Variants in JADE1 observed in about 807,000 individuals in gnomAD.
JADE1 encodes protein Jade-1.
A neutral mutation model predicts 81.8 loss-of-function variants in JADE1; 14 were observed. The ratio of observed to expected loss-of-function variants is 0.17; its 90% CI spans 0.11 to 0.27. The LOEUF is 0.27. Among genes scored for constraint, JADE1 ranks in the 10% least tolerant of loss-of-function variants. The pLI, the probability that JADE1 is intolerant of heterozygous loss-of-function variation, is 1.00. For missense variants in JADE1, 690 were observed against 1,047.9 expected (o/e 0.66, Z 4.71); for synonymous variants, 353 against 391.9 (o/e 0.90, Z 1.17).
intron 1 of JADE1, among the ~76,000 whole-genome samples, chr4:128,816,865 A>T (rs1727082384): frequency 6.6e-6 from 1 of 152,030 alleles, no homozygotes; most frequent in South Asian, 2.1e-4. Flanking sequence ...TGAGGGAAGT[A>T]AACTACATTT....
Position 128,873,026 on chromosome 4 carries a change from T to C in JADE1, c.*764T>C. ...AATAAGGGCAGTTGAAGTAGAATTT[T>C]TACCAGTCCACTTGACCTTCTTCTT... On this transcript the variant is annotated 3_prime_UTR_variant, in exon 11 of 11. Transcript: ENST00000226319. The C allele has an allele frequency of 2.4e-6, 1 of 415,266 alleles. No homozygotes were observed. The highest frequency in any genetic ancestry group is 5.0e-6 in the Non-Finnish European group (1 of 201,284). The allele number at this position is 415,266 out of a possible 1,614,324, so 25.7% of individuals were successfully genotyped here. A position where few individuals can be genotyped will look rare whatever the true frequency, so the allele number is the denominator to read the frequency against.
intron 9 of JADE1, among the ~76,000 whole-genome samples, chr4:128,865,664 T>G (rs752343104): frequency 3.9e-5 from 6 of 152,162 alleles, no homozygotes; most frequent in Non-Finnish European, 8.8e-5. Context: ...CAGGGCTGAT[T>G]TGTTCCGATT....
intron 1 of JADE1, chr4:128,811,236 G>T (rs1726324632): frequency 6.6e-6 from 1 of 152,272 alleles, no homozygotes; most frequent in Admixed American, 6.5e-5. Flanking sequence ...CCTCCTTCCC[G>T]CTCCCCCCCG....
intron 2 of JADE1, among the ~76,000 whole-genome samples, chr4:128,841,606 G>C (rs372500450): frequency 2.6e-5 from 4 of 152,188 alleles, no homozygotes; most frequent in East Asian, 1.9e-4. Flanking sequence ...ATGCTGAGTT[G>C]ACAGATCTAA....
intron 1 of JADE1, chr4:128,831,402 G>A (rs1034213118): frequency 1.4e-4 from 42 of 309,052 alleles, no homozygotes; most frequent in South Asian, 1.3e-3. Context: ...CATTGCTGTG[G>A]ATTTTTTTCT....
chr4:128,811,892 C>T (rs955106799), intron 1 of JADE1: 1 of 151,536 alleles, frequency 6.6e-6, no homozygotes, highest in African/African-American at 2.4e-5. Context: ...GAGCGGGAGC[C>T]GAGCCCGCTC....
chr4:128,810,657 G>A (rs567533227), intron 1 of JADE1, among the ~76,000 whole-genome samples: 1 of 147,246 alleles, frequency 6.8e-6, no homozygotes, highest in African/African-American at 2.5e-5. Context: ...GTGTGTGGTG[G>A]CCGCAGCCCT....
intron 4 of JADE1, among the ~76,000 whole-genome samples, 164 bp from the exon 5 acceptor site, chr4:128,848,816 A>G (rs1324090403): frequency 6.6e-6 from 1 of 152,176 alleles, no homozygotes; most frequent in Non-Finnish European, 1.5e-5. Context: ...GGCTTTAACA[A>G]CTTCTAGTTA....
chr4:128,838,036 A>G (rs1258058776), intron 2 of JADE1, among the ~76,000 whole-genome samples: 1 of 152,210 alleles, frequency 6.6e-6, no homozygotes, highest in African/African-American at 2.4e-5. Context: ...TTTTAGATCT[A>G]GGGCAAGACA....
intron 1 of JADE1, among the ~76,000 whole-genome samples, chr4:128,817,049 G>A (rs1727104222): frequency 6.6e-6 from 1 of 151,894 alleles, no homozygotes; most frequent in South Asian, 2.1e-4. Flanking sequence ...AGTAGAGACG[G>A]GGTTTTACCA....
chr4:128,872,625 A>C lies in JADE1; in HGVS notation c.*363A>C, dbSNP rs116066225. ...CAAAGCACAAACTCATGGTTACCTG[A>C]ATATAGGGAACCAGATATGGTTCTT... is the stretch of plus-strand genomic sequence containing the variant. On this transcript the variant is annotated 3_prime_UTR_variant, in exon 11 of 11. Transcript: ENST00000226319. The C allele has an allele frequency of 3.8e-6, 1 of 264,888 alleles. No homozygotes were observed. Among genetic ancestry groups the C allele is most frequent in the Non-Finnish European group, 7.5e-6 (1 of 134,008 alleles). The allele number at this position is 264,888 out of a possible 1,614,324, so 16.4% of individuals were successfully genotyped here.
intron 6 of JADE1, among the ~76,000 whole-genome samples, chr4:128,855,090 G>A (rs1355433221): frequency 6.6e-6 from 1 of 152,122 alleles, no homozygotes; most frequent in Non-Finnish European, 1.5e-5. Context: ...AGCCTAGGGA[G>A]TGTGCATGCT....
chr4:128,868,335 C>T (rs916332239), intron 10 of JADE1, among the ~76,000 whole-genome samples: 2 of 152,180 alleles, frequency 1.3e-5, no homozygotes, highest in Non-Finnish European at 2.9e-5. Flanking sequence ...GTAAACACAT[C>T]ATGGGGATAC....
chr4:128,836,208 C>A (rs921257564), intron 2 of JADE1, among the ~76,000 whole-genome samples: 10 of 152,182 alleles, frequency 6.6e-5, no homozygotes, highest in Non-Finnish European at 2.9e-5. Context: ...TCCCCCTACC[C>A]TGCAAATCAA....
chr4:128,821,341 G>C (rs1187757558), intron 1 of JADE1, among the ~76,000 whole-genome samples: 1 of 152,150 alleles, frequency 6.6e-6, no homozygotes, highest in South Asian at 2.1e-4. Flanking sequence ...GTGCCTGGGG[G>C]TGTGGAAAAG....
intron 1 of JADE1, among the ~76,000 whole-genome samples, chr4:128,812,330 G>A (rs1056656703): frequency 4.6e-5 from 7 of 151,612 alleles, no homozygotes; most frequent in Non-Finnish European, 7.4e-5. Context: ...TGGGAGAGAG[G>A]GAGGGGTCGG....
chr4:128,813,449 C>T (rs987987991), intron 1 of JADE1, among the ~76,000 whole-genome samples: 5 of 125,700 alleles, frequency 4.0e-5, no homozygotes, highest in Admixed American at 9.3e-5. Context: ...CAGAGTCTTT[C>T]GCTCTGTCAC....
chr4:128,853,605 G>A (rs1282390385), intron 6 of JADE1, among the ~76,000 whole-genome samples: 2 of 152,046 alleles, frequency 1.3e-5, no homozygotes. Flanking sequence ...TTTGGATTTG[G>A]GTGGGGACAT....
chr4:128,863,333 A>C (rs976182658), intron 9 of JADE1: 41 of 985,376 alleles, frequency 4.2e-5, no homozygotes, highest in Non-Finnish European at 4.0e-5. Flanking sequence ...TAAATTCATT[A>C]GTGTGAAAGA....
Sources: gnomAD v4.1 joint callset for allele counts (sites outside exome capture counted in the v4.1 genomes callset) on GRCh38, gnomAD v4.1.1 for gene constraint, MANE v1.5 for transcripts, NCBI Gene and HGNC (gene_info 2026-07-23, HGNC 2026-07-21) for gene names.